ST6GALNAC3: variants seen among roughly 807,000 people sequenced by gnomAD.
ST6GALNAC3 encodes ST6 N-acetylgalactosaminide alpha-2,6-sialyltransferase 3.
ST6GALNAC3 carries 25 observed loss-of-function variants against 32.7 expected under a neutral mutation model. The ratio of observed to expected loss-of-function variants is 0.76; its 90% CI spans 0.56 to 1.07. The LOEUF is 1.07. Ranked by LOEUF, ST6GALNAC3 falls within the 50% of genes least tolerant of loss-of-function variation. The pLI is 0.00. For missense variants in ST6GALNAC3, 355 were observed against 382.4 expected (o/e 0.93, Z 0.60); for synonymous variants, 129 against 133.1 (o/e 0.97, Z 0.21).
intron 1 of ST6GALNAC3, among the ~76,000 whole-genome samples, chr1:76,163,721 A>G (rs1372634124): frequency 6.6e-6 from 1 of 152,214 alleles, no homozygotes; most frequent in African/African-American, 2.4e-5. Context: ...TGAAATAAAT[A>G]CAACTTTTAC....
At chr1:76,213,466 T>A (rs981965727) in intron 1 of ST6GALNAC3, among the ~76,000 whole-genome samples, 7 of 152,206 alleles carry the variant, frequency 4.6e-5, no homozygotes, top group Non-Finnish European at 7.3e-5. Flanking sequence ...GTAGCTTGTG[T>A]TAATTTTTAA....
In ST6GALNAC3 at chr1:76,161,866, G is replaced by A. The variant is rs74445554; in HGVS notation, c.18+86982G>A. ...TTCTACTGGGCTTTCTTTTCTAAATGTTATTTAATTCCAGAGTTTGCATTA... is the reference window on the plus strand; with the variant it reads ...TTCTACTGGGCTTTCTTTTCTAAATATTATTTAATTCCAGAGTTTGCATTA... On this transcript the variant is annotated intron_variant, in intron 1 of 4. Coordinates refer to ENST00000328299, the MANE Select transcript of ST6GALNAC3 (RefSeq NM_152996.4). Among the ~76,000 whole-genome samples the A allele has an allele frequency of 3.3e-5, 5 of 152,258 alleles. No homozygotes were observed. The South Asian group carries it at 8.3e-4, about 25-fold the overall frequency.
chr1:76,211,826 C>A (rs1235634869), intron 1 of ST6GALNAC3, among the ~76,000 whole-genome samples: 2 of 151,992 alleles, frequency 1.3e-5, no homozygotes, highest in South Asian at 2.1e-4. Context: ...AGGAGATATA[C>A]CTAATGTTAA....
chr1:76,463,674 G>A (rs1658434029), intron 3 of ST6GALNAC3, among the ~76,000 whole-genome samples: 2 of 152,122 alleles, frequency 1.3e-5, no homozygotes, highest in Admixed American at 1.3e-4. Context: ...TCTTCTGGTC[G>A]AGGAGCTTTC....
At position 76,558,662 on chromosome 1, in the gene ST6GALNAC3, G is replaced by A. The variant is rs78201309; in HGVS notation, c.624-68790G>A. 7.0e-3 allele frequency among the ~76,000 whole-genome samples: 1,073 copies of A among 152,202 alleles called. 11 individuals carry two copies. Among genetic ancestry groups the A allele is most frequent in the African/African-American group, 0.024 (1,006 of 41,538 alleles). ...CTACTGGGTACTATGCTAACTACCT[G>A]AATAACAGGATTATTTGTACACCAA... On this transcript the variant is annotated intron_variant, in intron 3 of 4. Coordinates refer to ENST00000328299, the MANE Select transcript of ST6GALNAC3 (RefSeq NM_152996.4).
At chr1:76,358,465 T>C (rs557123616) in intron 2 of ST6GALNAC3, among the ~76,000 whole-genome samples, 7 of 152,258 alleles carry the variant, frequency 4.6e-5, no homozygotes, top group Non-Finnish European at 8.8e-5. Context: ...TTACTCCTTA[T>C]AAAAAATCCA....
At chr1:76,449,942 G>A (rs1463305215) in intron 3 of ST6GALNAC3, among the ~76,000 whole-genome samples, 3 of 152,158 alleles carry the variant, frequency 2.0e-5, no homozygotes, top group Non-Finnish European at 4.4e-5. Context: ...TGAACACAAT[G>A]TGTAGTCTTT....
intron 1 of ST6GALNAC3, among the ~76,000 whole-genome samples, chr1:76,092,061 C>T (rs571923546): frequency 1.3e-5 from 2 of 152,200 alleles, no homozygotes; most frequent in African/African-American, 2.4e-5. Flanking sequence ...TGTCAACCTC[C>T]GTGCTCTTAA....
At chr1:76,440,869 C>T (rs1656528197) in intron 3 of ST6GALNAC3, among the ~76,000 whole-genome samples, 1 of 151,982 alleles carries the variant, frequency 6.6e-6, no homozygotes, top group South Asian at 2.1e-4. Flanking sequence ...GTGTGGATCA[C>T]CTGAGGTCAG....
chr1:76,320,984 A>ACATT (rs899237302), intron 2 of ST6GALNAC3, among the ~76,000 whole-genome samples: 3 of 150,974 alleles, frequency 2.0e-5, no homozygotes, highest in African/African-American at 7.4e-5. Flanking sequence ...ACACACACAC[A>ACATT]TTATATATAT....
intron 1 of ST6GALNAC3, among the ~76,000 whole-genome samples, chr1:76,191,315 A>G (rs983870903): frequency 3.3e-5 from 5 of 152,068 alleles, no homozygotes; most frequent in Admixed American, 3.3e-4. Context: ...AAAAGAATTG[A>G]TATCATAGAA....
chr1:76,107,448 G>T (rs1488578571), intron 1 of ST6GALNAC3, among the ~76,000 whole-genome samples: 1 of 152,104 alleles, frequency 6.6e-6, no homozygotes, highest in African/African-American at 2.4e-5. Flanking sequence ...CTCAAACCCA[G>T]ATTGGTCTGA....
chr1:76,581,007 G>A (rs912840444), intron 3 of ST6GALNAC3, among the ~76,000 whole-genome samples: 42 of 152,196 alleles, frequency 2.8e-4, no homozygotes, highest in African/African-American at 9.4e-4. Context: ...TGGAGAGGGT[G>A]GAGGTAGCAT....
chr1:76,079,944 T>G (rs1038998928), intron 1 of ST6GALNAC3, among the ~76,000 whole-genome samples: 1 of 152,232 alleles, frequency 6.6e-6, no homozygotes, highest in African/African-American at 2.4e-5. Context: ...TATTACCATG[T>G]ACTGTCAATA....
intron 1 of ST6GALNAC3, among the ~76,000 whole-genome samples, chr1:76,151,247 C>G (rs112277340): frequency 6.6e-6 from 1 of 152,090 alleles, no homozygotes; most frequent in African/African-American, 2.4e-5. Context: ...TCAGGAGGAA[C>G]CTTCAGATGT....
intron 1 of ST6GALNAC3, among the ~76,000 whole-genome samples, chr1:76,209,851 ACT>A (rs958563991): frequency 6.6e-6 from 1 of 151,688 alleles, no homozygotes; most frequent in African/African-American, 2.4e-5. Flanking sequence ...TCTAAGCCCC[ACT>A]CTCTCTAGAG....
At chr1:76,473,210 T>G (rs540150437) in intron 3 of ST6GALNAC3, among the ~76,000 whole-genome samples, 2 of 152,104 alleles carry the variant, frequency 1.3e-5, no homozygotes, top group Admixed American at 1.3e-4. Flanking sequence ...GAGTGAGGAA[T>G]AGAGTAGAAC....
intron 2 of ST6GALNAC3, among the ~76,000 whole-genome samples, chr1:76,353,016 C>T (rs989431730): frequency 2.0e-5 from 3 of 152,118 alleles, no homozygotes; most frequent in African/African-American, 4.8e-5. Context: ...CTTCCACTCT[C>T]ATCTTCCAGC....
At chr1:76,510,282 A>G (rs750975711) in intron 3 of ST6GALNAC3, among the ~76,000 whole-genome samples, 2 of 152,170 alleles carry the variant, frequency 1.3e-5, no homozygotes, top group Non-Finnish European at 2.9e-5. Context: ...AGGCATGATT[A>G]TGAGCTAAAA....
Sources: gnomAD v4.1 joint callset for allele counts (sites outside exome capture counted in the v4.1 genomes callset) on GRCh38, gnomAD v4.1.1 for gene constraint, MANE v1.5 for transcripts, NCBI Gene and HGNC (gene_info 2026-07-23, HGNC 2026-07-21) for gene names.